CTNNA3: variants seen among roughly 807,000 people sequenced by gnomAD.
The protein encoded by CTNNA3 is catenin alpha 3, also known as catenin alpha-3.
A neutral mutation model predicts 95.7 loss-of-function variants in CTNNA3; 76 were observed. That is an observed-to-expected ratio of 0.79 (90% CI 0.66 to 0.96). The LOEUF is 0.96. CTNNA3 is among the 40% of genes least tolerant of loss of function. The pLI is 0.00. For synonymous variants in CTNNA3, 431 were observed against 374.4 expected, an observed-to-expected ratio of 1.15 and a Z score of -1.74; for missense variants, 1,191 against 1,089.8, an observed-to-expected ratio of 1.09 and a Z score of -1.31.
chr10:66,414,933 C>T (rs1323007811), intron 11 of CTNNA3, among the ~76,000 whole-genome samples: 2 of 152,112 alleles, frequency 1.3e-5, no homozygotes, highest in African/African-American at 4.8e-5. Flanking sequence ...GGGGTTTAGA[C>T]ACAAGTGACC....
chr10:66,700,657 G>A (rs1003669778), intron 9 of CTNNA3, among the ~76,000 whole-genome samples: 10 of 151,928 alleles, frequency 6.6e-5, no homozygotes, highest in African/African-American at 2.2e-4. Flanking sequence ...TTCCATTTTT[G>A]TGAAAAATGC....
At chr10:65,941,626 A>G (rs997747289) in intron 17 of CTNNA3, among the ~76,000 whole-genome samples, 2 of 152,184 alleles carry the variant, frequency 1.3e-5, no homozygotes, top group African/African-American at 4.8e-5. Flanking sequence ...TTGTGCAAGT[A>G]TAAACTCTGG....
At chr10:66,999,843 T>G (rs570769258) in intron 7 of CTNNA3, among the ~76,000 whole-genome samples, 2 of 152,222 alleles carry the variant, frequency 1.3e-5, no homozygotes, top group Admixed American at 6.5e-5. Context: ...AGTCTTATTT[T>G]CCTAAAATGT....
At chr10:66,547,070 C>T (rs957639507) in intron 10 of CTNNA3, among the ~76,000 whole-genome samples, 2 of 151,928 alleles carry the variant, frequency 1.3e-5, no homozygotes, top group Non-Finnish European at 2.9e-5. Context: ...ATTCTGGAGC[C>T]CACACTGATT....
At chr10:66,667,368 C>T (rs543933559) in intron 9 of CTNNA3, among the ~76,000 whole-genome samples, 1 of 152,180 alleles carries the variant, frequency 6.6e-6, no homozygotes, top group African/African-American at 2.4e-5. Context: ...ATCTTGATTG[C>T]TCATGCCAGT....
chr10:65,965,060 T>C (rs1348261862), intron 17 of CTNNA3, among the ~76,000 whole-genome samples: 1 of 152,224 alleles, frequency 6.6e-6, no homozygotes, highest in African/African-American at 2.4e-5. Context: ...GTGGGATTTT[T>C]GATAAAATTT....
At chr10:66,266,089 G>C (rs531402205) in intron 13 of CTNNA3, among the ~76,000 whole-genome samples, 1 of 150,418 alleles carries the variant, frequency 6.6e-6, no homozygotes, top group East Asian at 2.0e-4. Flanking sequence ...GAGGAAGGGG[G>C]GGAGAGAAAG....
At chr10:66,968,669 G>A (rs1849563682) in intron 7 of CTNNA3, among the ~76,000 whole-genome samples, 1 of 152,066 alleles carries the variant, frequency 6.6e-6, no homozygotes, top group African/African-American at 2.4e-5. Context: ...ATGAAACTGG[G>A]TATACAGCAC....
At chr10:66,712,194 C>T (rs545836490) in intron 9 of CTNNA3, among the ~76,000 whole-genome samples, 14 of 152,216 alleles carry the variant, frequency 9.2e-5, no homozygotes, top group Admixed American at 7.9e-4. Flanking sequence ...TCTGCAGATG[C>T]TCAAATGCTA....
At chr10:67,253,933 C>T (rs754142592) in intron 5 of CTNNA3, among the ~76,000 whole-genome samples, 10 of 152,058 alleles carry the variant, frequency 6.6e-5, no homozygotes, top group South Asian at 2.1e-4. Flanking sequence ...GAATGAACTA[C>T]GAAAAATATG....
At chr10:67,741,207 C>A (rs1473817118) in intron 1 of CTNNA3, among the ~76,000 whole-genome samples, 1 of 150,422 alleles carries the variant, frequency 6.6e-6, no homozygotes, top group Non-Finnish European at 1.5e-5. Context: ...ATACCTAATG[C>A]TAGATGACGA....
chr10:67,174,890 T>C (rs537113822), intron 7 of CTNNA3, among the ~76,000 whole-genome samples: 4 of 152,138 alleles, frequency 2.6e-5, no homozygotes, highest in Non-Finnish European at 5.9e-5. Flanking sequence ...TAGGATACTA[T>C]TTATTTCTTT....
At chr10:66,921,195 C>T (rs1351509155) in intron 7 of CTNNA3, among the ~76,000 whole-genome samples, 2 of 152,142 alleles carry the variant, frequency 1.3e-5, no homozygotes, top group Non-Finnish European at 1.5e-5. Context: ...AAGAAGCAAG[C>T]TCTCTCATTT....
intron 9 of CTNNA3, among the ~76,000 whole-genome samples, chr10:66,658,260 C>T (rs911653774): frequency 1.3e-5 from 2 of 151,852 alleles, no homozygotes; most frequent in African/African-American, 4.8e-5. Flanking sequence ...CCCTCTCTCT[C>T]TCTGCATTCA....
chr10:66,843,962 A>G (rs1038407021), intron 7 of CTNNA3, among the ~76,000 whole-genome samples: 4 of 152,244 alleles, frequency 2.6e-5, no homozygotes, highest in South Asian at 2.1e-4. Context: ...TTGATGCCCA[A>G]TAGGGCATTT....
At chr10:66,722,518 G>A (rs191170425) in intron 9 of CTNNA3, among the ~76,000 whole-genome samples, 1 of 152,210 alleles carries the variant, frequency 6.6e-6, no homozygotes, top group Non-Finnish European at 1.5e-5. Context: ...TCCACTGGGA[G>A]ACTCAGGCCA....
chr10:67,725,104 C>A (rs1341914100), intron 1 of CTNNA3, among the ~76,000 whole-genome samples: 1 of 151,898 alleles, frequency 6.6e-6, no homozygotes, highest in Non-Finnish European at 1.5e-5. Flanking sequence ...GATAAAACAA[C>A]GGATTCGTAG....
upstream of CTNNA3, among the ~76,000 whole-genome samples, chr10:67,698,860 AT>A (rs1360285560): frequency 4.0e-5 from 6 of 151,820 alleles, no homozygotes; most frequent in East Asian, 1.9e-4. Context: ...AAAAAAAAAA[AT>A]GTTTCTCACT....
intron 11 of CTNNA3, among the ~76,000 whole-genome samples, chr10:66,445,562 C>A (rs1052967655): frequency 6.6e-6 from 1 of 152,076 alleles, no homozygotes; most frequent in African/African-American, 2.4e-5. Flanking sequence ...ACAACTTGCT[C>A]CTGAATGACT....
Sources: gnomAD v4.1 joint callset for allele counts (sites outside exome capture counted in the v4.1 genomes callset) on GRCh38, gnomAD v4.1.1 for gene constraint, MANE v1.5 for transcripts, NCBI Gene and HGNC (gene_info 2026-07-23, HGNC 2026-07-21) for gene names.